The following UROC1 variants were observed in gnomAD, a reference collection of about 807,000 sequenced individuals.
The protein encoded by UROC1 is urocanate hydratase 1, also known as urocanate hydratase.
A neutral mutation model predicts 89.5 loss-of-function variants in UROC1; 79 were observed. That is an observed-to-expected ratio of 0.88 (90% confidence interval 0.74 to 1.06). The LOEUF is 1.06. Ranked by LOEUF, UROC1 falls within the 50% of genes least tolerant of loss-of-function variation. The pLI is 0.00. For missense variants in UROC1, 885 were observed against 907.8 expected (o/e 0.97, Z 0.32); for synonymous variants, 361 against 354.8 (o/e 1.02, Z -0.20).
At chr3:126,488,319 C>G in intron 17 of UROC1, 40 bp from the exon 18 acceptor site, 1 of 1,606,146 alleles carries the variant, frequency 6.2e-7, no homozygotes, top group Non-Finnish European at 8.5e-7. Flanking sequence ...ACCCCCTGCA[C>G]TGGGTGGGCA....
At position 126,494,711 on chromosome 3, in the gene UROC1, G is replaced by T. The variant is rs554489937; in HGVS notation, c.1509+1327C>A. Among the ~76,000 whole-genome samples, 4 of 152,302 alleles carry T rather than the reference G, an allele frequency of 2.6e-5. No individual in the cohort carries two copies. The South Asian group carries it at 8.3e-4, about 32-fold the overall frequency. ...GGGGCCTGTGTACAGGCTGGGGCTT[G>T]TGCAAGGGCTGGTCCCTCTGCCTCG... is the stretch of plus-strand genomic sequence containing the variant. On this transcript the variant is annotated intron_variant, in intron 15 of 19. Coordinates refer to ENST00000290868, the MANE Select transcript of UROC1 (RefSeq NM_144639.3).
intron 16 of UROC1, 120 bp downstream of exon 16, chr3:126,492,298 G>T: frequency 1.0e-6 from 1 of 969,468 alleles, no homozygotes; most frequent in East Asian, 2.6e-5. Flanking sequence ...GCCCAACGGG[G>T]GTGTCTCCCC....
intron 19 of UROC1, 130 bp downstream of exon 19, chr3:126,483,239 G>T: frequency 1.2e-6 from 1 of 814,004 alleles, no homozygotes; most frequent in Non-Finnish European, 2.1e-6. Context: ...TGGCTGCTGT[G>T]CTGTGGTCAT....
chr3:126,496,234 G>A, intron 14 of UROC1, 126 bp from the exon 15 acceptor site: 1 of 910,016 alleles, frequency 1.1e-6, no homozygotes, highest in Non-Finnish European at 1.8e-6. Context: ...CAAGGTGAGG[G>A]AGCCCACCCC....
At chr3:126,497,701 C>T (rs1238956490) in intron 14 of UROC1, among the ~76,000 whole-genome samples, 2 of 152,256 alleles carry the variant, frequency 1.3e-5, no homozygotes, top group Non-Finnish European at 2.9e-5. Flanking sequence ...GCCACCCTAG[C>T]CCTGGACCGT....
Position 126,508,415 on chromosome 3 carries a change from C to T in UROC1, c.411+1G>A, listed in dbSNP as rs1464612045. ...GGACGAGGCCACACGGTGTGCAGTACCTGAGCCCAGTTGCTGAACACCTGC... is the reference window on the plus strand; with the variant it reads ...GGACGAGGCCACACGGTGTGCAGTATCTGAGCCCAGTTGCTGAACACCTGC... On this transcript the variant is annotated splice_donor_variant, in intron 4 of 19. Transcript: ENST00000290868. LOFTEE classifies it high-confidence loss of function. The T allele has an allele frequency of 1.2e-6, 2 of 1,613,670 alleles. No individual in the cohort carries two copies. The highest frequency in any genetic ancestry group is 1.7e-6 in the Non-Finnish European group (2 of 1,179,844).
chr3:126,498,273 C>T, intron 13 of UROC1, 101 bp from the exon 14 acceptor site: 2 of 1,597,806 alleles, frequency 1.3e-6, no homozygotes, highest in Admixed American at 3.3e-5. Flanking sequence ...ATCCAGAAGT[C>T]AGGTGTGGAA....
At chr3:126,514,918 T>C (rs918439492) in intron 1 of UROC1, among the ~76,000 whole-genome samples, 1 of 152,008 alleles carries the variant, frequency 6.6e-6, no homozygotes, top group Non-Finnish European at 1.5e-5. Flanking sequence ...TTCGATTTCT[T>C]ATCACATAAA....
At chr3:126,513,749 AC>A (rs1229969528) in intron 1 of UROC1, among the ~76,000 whole-genome samples, 6 of 151,862 alleles carry the variant, frequency 4.0e-5, no homozygotes, top group African/African-American at 7.3e-5. Context: ...GCCTCTGCCC[AC>A]CCCACCCCTC....
chr3:126,496,180 G>T, intron 14 of UROC1, 72 bp from the exon 15 acceptor site: 1 of 1,481,670 alleles, frequency 6.7e-7, no homozygotes, highest in Non-Finnish European at 9.3e-7. Flanking sequence ...AGGCTGCTCA[G>T]CTCAGCACAG....
chr3:126,491,745 G>A (rs1935659370), intron 16 of UROC1, among the ~76,000 whole-genome samples: 1 of 152,270 alleles, frequency 6.6e-6, no homozygotes, highest in Non-Finnish European at 1.5e-5. Flanking sequence ...AGACGGGCTT[G>A]GCGATTGGCA....
intron 5 of UROC1, 54 bp downstream of exon 5, chr3:126,507,913 G>C: frequency 2.5e-6 from 4 of 1,613,258 alleles, no homozygotes; most frequent in Non-Finnish European, 2.5e-6. Flanking sequence ...TCCAGCGTCT[G>C]CACCCTCTCT....
At chr3:126,483,244 G>T in intron 19 of UROC1, 125 bp downstream of exon 19, 1 of 843,194 alleles carries the variant, frequency 1.2e-6, no homozygotes, top group Non-Finnish European at 2.0e-6. Flanking sequence ...GCTGTGCTGT[G>T]GTCATGAGAG....
At chr3:126,501,719 T>C in intron 9 of UROC1, 1 of 1,484,124 alleles carries the variant, frequency 6.7e-7, no homozygotes. Flanking sequence ...GAACAGGCCT[T>C]GCAGGTAGTA....
intron 15 of UROC1, among the ~76,000 whole-genome samples, chr3:126,493,681 T>C (rs944556464): frequency 1.8e-4 from 27 of 152,202 alleles, no homozygotes; most frequent in Admixed American, 1.8e-3. Flanking sequence ...GCAGTATGAA[T>C]GTGCTTGAAG....
chr3:126,491,916 G>A (rs115575358), intron 16 of UROC1, among the ~76,000 whole-genome samples: 5,168 of 152,224 alleles, frequency 0.034, 100 homozygotes, highest in Middle Eastern at 0.061. Context: ...AGAGGGCTAC[G>A]GACCTGCCCA....
At position 126,483,372 on chromosome 3, in the gene UROC1, A is replaced by G. The variant is rs985469674; in HGVS notation, c.1887T>C (p.Asn629=). The G allele has an allele frequency of 2.5e-6, 4 of 1,612,820 alleles. No individual in the cohort carries two copies. Among genetic ancestry groups the G allele is most frequent in the Admixed American group, 1.7e-5 (1 of 59,994 alleles). Residue 629 remains asparagine (N), a synonymous_variant, in exon 19 of 20, where the codon AAT becomes AAC. Transcript: ENST00000290868. ...GGCAAGGACTGGGCTGACTTACACC[A>G]TTGGAGACATCCCAGCTGAGCATCA... ...ARLMLSWDVS[N]GVARRCWSGN...
Position 126,482,477 on chromosome 3 carries a change from C to G in UROC1, c.1899G>C (p.Arg633=). ...CCTTCTGGTTCCCTGACCAGCAGCG[C>G]CGGGCCACCTAGGGCAAGGAGGGGG... is the stretch of plus-strand genomic sequence containing the variant. ...LSWDVSNGVA[R]RCWSGNQKAY... is the part of the protein sequence containing the mutation. Residue 633 remains arginine (R), a synonymous_variant, in exon 20 of 20, where the codon CGG becomes CGC. Coordinates refer to ENST00000290868, the MANE Select transcript of UROC1 (RefSeq NM_144639.3). 6.2e-7 allele frequency: 1 copy of G among 1,613,972 alleles called. No homozygotes were observed. The highest frequency in any genetic ancestry group is 8.5e-7 in the Non-Finnish European group (1 of 1,180,014).
intron 8 of UROC1, among the ~76,000 whole-genome samples, chr3:126,505,050 C>T (rs1369833212): frequency 6.6e-6 from 1 of 152,118 alleles, no homozygotes; most frequent in Non-Finnish European, 1.5e-5. Flanking sequence ...CCTCCCTCTC[C>T]TCTCCCTGCT....
Sources: gnomAD v4.1 joint callset for allele counts (sites outside exome capture counted in the v4.1 genomes callset) on GRCh38, gnomAD v4.1.1 for gene constraint, MANE v1.5 for transcripts, NCBI Gene and HGNC (gene_info 2026-07-23, HGNC 2026-07-21) for gene names.